GALNT18: variants seen among roughly 807,000 people sequenced by gnomAD.
GALNT18 encodes GalNAc-transferase 18.
Under a neutral mutation model 69.5 loss-of-function variants are expected in GALNT18, and 44 were observed. That is an observed-to-expected ratio of 0.63 (90% CI 0.50 to 0.81). The LOEUF is 0.81. Among genes scored for constraint, GALNT18 ranks in the 40% least tolerant of loss-of-function variants. GALNT18 has a pLI of 0.00. For synonymous variants in GALNT18, 364 were observed against 318.2 expected, an observed-to-expected ratio of 1.14 and a Z score of -1.53; for missense variants, 715 against 810.0, an observed-to-expected ratio of 0.88 and a Z score of 1.42.
rs764365830 is a variant in GALNT18 at position 11,413,105 on chromosome 11, C to A, written c.595+19516G>T. On this transcript the variant is annotated intron_variant, in intron 3 of 10. Coordinates refer to ENST00000227756, the MANE Select transcript of GALNT18 (RefSeq NM_198516.3). The surrounding 1 kb of genome is among the most constrained non-coding windows in gnomAD (Gnocchi z 4.7). Reference sequence around the variant, plus strand: ...CCTTCCTTGTCTTATCTCCCTACCCCACTGGCATATCTTGAACTTCCTGAA... The same window carrying A: ...CCTTCCTTGTCTTATCTCCCTACCCAACTGGCATATCTTGAACTTCCTGAA... 2.6e-5 allele frequency among the ~76,000 whole-genome samples: 4 copies of A among 152,238 alleles called. No individual in the cohort carries two copies. Among genetic ancestry groups the A allele is most frequent in the Admixed American group, 2.0e-4 (3 of 15,288 alleles).
intron 7 of GALNT18, among the ~76,000 whole-genome samples, chr11:11,333,213 G>C (rs762116385): frequency 1.3e-5 from 2 of 151,972 alleles, no homozygotes; most frequent in Admixed American, 6.6e-5. Context: ...TGAGAGAGAG[G>C]GGGGAAGGAA....
chr11:11,556,580 G>A (rs1000929261), intron 1 of GALNT18, among the ~76,000 whole-genome samples: 12 of 152,310 alleles, frequency 7.9e-5, no homozygotes, highest in East Asian at 1.9e-4. Flanking sequence ...GTATTTTTGC[G>A]TTGCAAATGA....
chr11:11,406,667 T>C (rs1381843450), intron 3 of GALNT18, among the ~76,000 whole-genome samples: 2 of 152,202 alleles, frequency 1.3e-5, no homozygotes, highest in Non-Finnish European at 2.9e-5. Flanking sequence ...CGGGGCAGTA[T>C]ACCAAAATAA....
At chr11:11,441,837 T>C (rs1415792514) in intron 2 of GALNT18, among the ~76,000 whole-genome samples, 1 of 152,118 alleles carries the variant, frequency 6.6e-6, no homozygotes, top group Non-Finnish European at 1.5e-5. Flanking sequence ...AAAAGGAAAA[T>C]GCAGTGCCCT....
chr11:11,366,868 T>A (rs1016451032), intron 6 of GALNT18, among the ~76,000 whole-genome samples: 1 of 152,148 alleles, frequency 6.6e-6, no homozygotes, highest in Non-Finnish European at 1.5e-5. Context: ...AGGTTCTCCA[T>A]GATTGAGGAA....
At chr11:11,272,084 G>A (rs1461051339) in intron 10 of GALNT18, among the ~76,000 whole-genome samples, 1 of 152,182 alleles carries the variant, frequency 6.6e-6, no homozygotes, top group African/African-American at 2.4e-5. Context: ...AGGCAGAATT[G>A]CTTTGGTGGG....
chr11:11,520,816 C>T (rs1590069212), intron 1 of GALNT18, among the ~76,000 whole-genome samples: 1 of 152,272 alleles, frequency 6.6e-6, no homozygotes, highest in East Asian at 1.9e-4. Context: ...CGGGGAGGGG[C>T]GTGGGCCAGG....
chr11:11,440,844 T>C (rs1402729756), intron 2 of GALNT18, among the ~76,000 whole-genome samples: 1 of 152,170 alleles, frequency 6.6e-6, no homozygotes, highest in African/African-American at 2.4e-5. Context: ...TCTACAAACA[T>C]TACACAAACT....
intron 9 of GALNT18, among the ~76,000 whole-genome samples, chr11:11,304,406 C>T (rs1849544263): frequency 6.6e-6 from 1 of 152,190 alleles, no homozygotes; most frequent in Non-Finnish European, 1.5e-5. Flanking sequence ...AAATCTCAAA[C>T]ACCAGATATC....
chr11:11,477,523 C>T (rs140861228), intron 1 of GALNT18, among the ~76,000 whole-genome samples: 1 of 152,228 alleles, frequency 6.6e-6, no homozygotes, highest in Non-Finnish European at 1.5e-5. Flanking sequence ...TTTCCTCTCC[C>T]TCCTCCTTTC....
intron 10 of GALNT18, among the ~76,000 whole-genome samples, chr11:11,281,696 A>T (rs1849078127): frequency 6.6e-6 from 1 of 151,926 alleles, no homozygotes; most frequent in Non-Finnish European, 1.5e-5. Flanking sequence ...CTCCCATCTG[A>T]TGTTTCCCAA....
chr11:11,612,609 T>G (rs1859936550), intron 1 of GALNT18, among the ~76,000 whole-genome samples: 1 of 152,170 alleles, frequency 6.6e-6, no homozygotes, highest in Non-Finnish European at 1.5e-5. Flanking sequence ...GGCCTTTAAC[T>G]CCAAGTTCCC....
intron 6 of GALNT18, among the ~76,000 whole-genome samples, chr11:11,355,597 A>G (rs748747615): frequency 2.0e-5 from 3 of 152,226 alleles, no homozygotes; most frequent in Non-Finnish European, 2.9e-5. Context: ...TGCCAAATGT[A>G]TAAGGTCCAA....
chr11:11,389,536 A>G lies in GALNT18; in HGVS notation c.596-10272T>C, dbSNP rs1854132614. On this transcript the variant is annotated intron_variant, in intron 3 of 10. Coordinates refer to ENST00000227756, the MANE Select transcript of GALNT18 (RefSeq NM_198516.3). This position sits in a 1 kb window ranked among gnomAD's most constrained non-coding sequence, Gnocchi z 4.3. ...TTACAGAGCAAGAACTACTCCTGCT[A>G]CTCTGAGGAGGGTATGCAGCAGGAA... 6.6e-6 allele frequency among the ~76,000 whole-genome samples: 1 copy of G among 152,170 alleles called. No homozygotes were observed. The highest frequency in any genetic ancestry group is 6.5e-5 in the Admixed American group (1 of 15,272).
At chr11:11,371,002 C>T (rs148546219) in intron 6 of GALNT18, among the ~76,000 whole-genome samples, 37 of 152,282 alleles carry the variant, frequency 2.4e-4, no homozygotes, top group Middle Eastern at 3.4e-3. Flanking sequence ...GCTGCAGAAA[C>T]GAGGGTGATT....
rs1855000515 is a variant in GALNT18 at position 11,421,339 on chromosome 11, T to C, written c.595+11282A>G. ...GAGGCGGGTGACTCAAGAGCTGATA[T>C]ACTTAGGCATCACTAAGGATGCTCA... On this transcript the variant is annotated intron_variant, in intron 3 of 10. Coordinates refer to ENST00000227756, the MANE Select transcript of GALNT18 (RefSeq NM_198516.3). The surrounding 1 kb of genome is among the most constrained non-coding windows in gnomAD (Gnocchi z 5.6). Among the ~76,000 whole-genome samples, 1 of 151,988 alleles carries C rather than the reference T, an allele frequency of 6.6e-6. No individual in the cohort carries two copies. Among genetic ancestry groups the C allele is most frequent in the African/African-American group, 2.4e-5 (1 of 41,364 alleles).
At position 11,377,725 on chromosome 11, in the gene GALNT18, G is replaced by A. The variant is rs1055640517; in HGVS notation, c.780-346C>T. On this transcript the variant is annotated intron_variant, in intron 4 of 10. Transcript: ENST00000227756. The surrounding 1 kb of genome is among the most constrained non-coding windows in gnomAD (Gnocchi z 4.6). ...AGAAAAAGAAGAAAGAAACAGATCT[G>A]AGGCTCCAGAAAAAGCTTTCACCTT... Among the ~76,000 whole-genome samples the A allele has an allele frequency of 1.3e-5, 2 of 152,050 alleles. No homozygotes were observed. The highest frequency in any genetic ancestry group is 2.9e-5 in the Non-Finnish European group (2 of 68,012).
intron 1 of GALNT18, chr11:11,475,691 T>G (rs2133860720): frequency 6.6e-6 from 1 of 152,370 alleles, no homozygotes; most frequent in East Asian, 1.9e-4. Flanking sequence ...GCACAGTTGT[T>G]GCACCTGCCC....
intron 9 of GALNT18, among the ~76,000 whole-genome samples, chr11:11,319,791 C>T (rs1398215203): frequency 3.9e-5 from 6 of 152,178 alleles, no homozygotes; most frequent in South Asian, 4.1e-4. Flanking sequence ...GGAGTTTTAA[C>T]GTCCCCCTTA....
Sources: allele counts gnomAD v4.1 joint callset (sites outside exome capture counted in the v4.1 genomes callset), GRCh38; gene constraint gnomAD v4.1.1; non-coding constraint Gnocchi (gnomAD v3.1); transcripts MANE v1.5; gene names NCBI Gene and HGNC (gene_info 2026-07-23, HGNC 2026-07-21).